Variants in EYS observed in about 807,000 individuals in gnomAD.
The protein encoded by EYS is protein eyes shut homolog.
In EYS, 250 loss-of-function variants were observed where a neutral mutation model predicts 282.1. The ratio of observed to expected loss-of-function variants is 0.89; its 90% confidence interval spans 0.80 to 0.98. EYS has a LOEUF of 0.98. EYS is among the 50% of genes least tolerant of loss of function. The probability of loss-of-function intolerance (pLI) is 0.00; values close to 1 mark genes in which losing one functional copy is unlikely to be tolerated. For missense variants in EYS, 4,016 were observed against 3,709.0 expected, an observed-to-expected ratio of 1.08 and a Z score of -2.15; for synonymous variants, 1,355 against 1,282.9, an observed-to-expected ratio of 1.06 and a Z score of -1.20.
intron 35 of EYS, among the ~76,000 whole-genome samples, chr6:63,970,096 T>A (rs917767938): frequency 2.0e-5 from 3 of 152,194 alleles, no homozygotes; most frequent in Non-Finnish European, 4.4e-5. Flanking sequence ...GAACTTTCCC[T>A]GGAGACATGG....
chr6:64,868,956 C>T (rs564740713), intron 19 of EYS, among the ~76,000 whole-genome samples: 142 of 151,428 alleles, frequency 9.4e-4, no homozygotes, highest in Non-Finnish European at 1.7e-3. Context: ...TGTCTAAAGA[C>T]TTCCGACTAA....
At chr6:65,110,948 G>A (rs1775198853) in intron 12 of EYS, among the ~76,000 whole-genome samples, 2 of 152,066 alleles carry the variant, frequency 1.3e-5, no homozygotes, top group South Asian at 4.1e-4. Context: ...ACCATCTAAT[G>A]CTTCTGAAGA....
intron 6 of EYS, among the ~76,000 whole-genome samples, chr6:65,403,263 C>A (rs908674272): frequency 6.6e-6 from 1 of 151,974 alleles, no homozygotes; most frequent in Non-Finnish European, 1.5e-5. Context: ...GTCCATGCAT[C>A]CATGGGCAGG....
At chr6:63,899,961 A>G (rs895857240) in intron 35 of EYS, among the ~76,000 whole-genome samples, 1 of 152,202 alleles carries the variant, frequency 6.6e-6, no homozygotes, top group Non-Finnish European at 1.5e-5. Flanking sequence ...TTTATAGCAT[A>G]AGTTTGTAAG....
intron 18 of EYS, among the ~76,000 whole-genome samples, chr6:64,888,564 T>G (rs1000641681): frequency 1.3e-5 from 2 of 151,904 alleles, no homozygotes; most frequent in African/African-American, 4.8e-5. Context: ...GGATACTGGG[T>G]GAAAGAGTAG....
At chr6:64,703,861 A>G (rs1347950853) in intron 22 of EYS, among the ~76,000 whole-genome samples, 1 of 152,204 alleles carries the variant, frequency 6.6e-6, no homozygotes, top group African/African-American at 2.4e-5. Flanking sequence ...AAAATCAATT[A>G]GTTGGCAGTT....
Position 64,728,203 on chromosome 6 carries a change from T to C in EYS, c.3443+85175A>G, listed in dbSNP as rs115684653. 5.9e-3 allele frequency among the ~76,000 whole-genome samples: 892 copies of C among 152,290 alleles called. 9 individuals carry two copies. The highest frequency in any genetic ancestry group is 0.021 in the African/African-American group (858 of 41,554). On this transcript the variant is annotated intron_variant, in intron 22 of 42. Coordinates refer to ENST00000503581, the MANE Select transcript of EYS (RefSeq NM_001142800.2). The stretch of plus-strand genomic sequence containing the variant: ...GGCAGTGTCTAGTGAGGAGTACCCA[T>C]GACCCCTGAAGCCCCAGAGGATGTG...
chr6:63,840,229 A>ATTATTATTG (rs1554181039), intron 36 of EYS, among the ~76,000 whole-genome samples: 3 of 128,986 alleles, frequency 2.3e-5, no homozygotes, highest in Non-Finnish European at 4.8e-5. Flanking sequence ...TATTATTATT[A>ATTATTATTG]TTATTATTGT....
intron 2 of EYS, among the ~76,000 whole-genome samples, chr6:65,532,882 G>A (rs946763692): frequency 2.6e-5 from 4 of 152,090 alleles, no homozygotes; most frequent in South Asian, 2.1e-4. Flanking sequence ...GTTGGTGAGA[G>A]TGTAAACTAG....
At chr6:65,685,966 G>T (rs79243891) in intron 1 of EYS, among the ~76,000 whole-genome samples, 364 of 152,096 alleles carry the variant, frequency 2.4e-3, no homozygotes, top group African/African-American at 8.4e-3. Context: ...CTCCGTTCAA[G>T]ACTGAAAAAC....
chr6:64,473,080 A>G (rs1253591969), intron 26 of EYS, among the ~76,000 whole-genome samples: 2 of 152,194 alleles, frequency 1.3e-5, no homozygotes, highest in Non-Finnish European at 2.9e-5. Flanking sequence ...TAGTCAACTT[A>G]TACTCATTAG....
intron 32 of EYS, among the ~76,000 whole-genome samples, chr6:64,078,523 G>T (rs534099541): frequency 2.3e-4 from 35 of 151,990 alleles, no homozygotes; most frequent in Non-Finnish European, 4.6e-4. Context: ...TTCTGCTGAG[G>T]TATTCCCAAC....
At chr6:64,532,505 C>G (rs940648378) in intron 26 of EYS, among the ~76,000 whole-genome samples, 2 of 151,994 alleles carry the variant, frequency 1.3e-5, no homozygotes, top group African/African-American at 4.8e-5. Context: ...GTCAGGAGAT[C>G]GAGACCATCC....
chr6:64,756,690 C>T (rs1772947099), intron 22 of EYS, among the ~76,000 whole-genome samples: 1 of 152,140 alleles, frequency 6.6e-6, no homozygotes, highest in Non-Finnish European at 1.5e-5. Context: ...TACAGAGTGT[C>T]CTTTTACTCA....
chr6:64,281,161 CT>C (rs1768295523), intron 30 of EYS, among the ~76,000 whole-genome samples: 1 of 152,004 alleles, frequency 6.6e-6, no homozygotes, highest in Admixed American at 6.6e-5. Flanking sequence ...CTTTAATTGG[CT>C]TTACCATTGT....
At chr6:64,024,950 C>T (rs888075888) in intron 33 of EYS, among the ~76,000 whole-genome samples, 4 of 152,146 alleles carry the variant, frequency 2.6e-5, no homozygotes, top group South Asian at 2.1e-4. Flanking sequence ...CACATTTTGG[C>T]GACCACGAAG....
intron 2 of EYS, among the ~76,000 whole-genome samples, chr6:65,595,649 C>CAA (rs61686102): frequency 0.27 from 39,150 of 145,984 alleles, 5,352 homozygotes; most frequent in East Asian, 0.36. Context: ...TCTTTTATCT[C>CAA]AAAAAAAAAA....
chr6:65,436,054 CA>C (rs1337926513), intron 5 of EYS, among the ~76,000 whole-genome samples: 2 of 151,906 alleles, frequency 1.3e-5, no homozygotes, highest in Non-Finnish European at 2.9e-5. Flanking sequence ...CCTAACAAAT[CA>C]ATATAACACT....
At chr6:64,990,368 T>C (rs1477695143) in intron 14 of EYS, among the ~76,000 whole-genome samples, 1 of 151,632 alleles carries the variant, frequency 6.6e-6, no homozygotes, top group African/African-American at 2.4e-5. Flanking sequence ...TCCTGTAGAA[T>C]GTAACTATTG....
Sources: gnomAD v4.1 joint callset for allele counts (sites outside exome capture counted in the v4.1 genomes callset) on GRCh38, gnomAD v4.1.1 for gene constraint, MANE v1.5 for transcripts, NCBI Gene and HGNC (gene_info 2026-07-23, HGNC 2026-07-21) for gene names.